The following METTL15 variants were observed in gnomAD, a reference collection of about 807,000 sequenced individuals.
The protein encoded by METTL15 is 12S rRNA N(4)-cytidine methyltransferase METTL15.
METTL15 carries 34 observed loss-of-function variants against 38.3 expected under a neutral mutation model. The ratio of observed to expected loss-of-function variants is 0.89; its 90% CI spans 0.68 to 1.18. METTL15 has a LOEUF of 1.18. METTL15 is among the 50% of genes most tolerant of loss of function. The pLI, the probability that METTL15 is intolerant of heterozygous loss-of-function variation, is 0.00. For synonymous variants in METTL15, 162 were observed against 170.9 expected (o/e 0.95, Z 0.41); for missense variants, 438 against 498.4 (o/e 0.88, Z 1.15).
downstream of METTL15, among the ~76,000 whole-genome samples, chr11:28,528,988 A>G (rs757446983): frequency 5.9e-5 from 9 of 152,210 alleles, no homozygotes; most frequent in Admixed American, 3.9e-4. Context: ...ATGAGGTAGA[A>G]TCCTTACCTC....
At chr11:28,195,544 G>T (rs1265284902) in intron 3 of METTL15, among the ~76,000 whole-genome samples, 1 of 151,860 alleles carries the variant, frequency 6.6e-6, no homozygotes, top group Non-Finnish European at 1.5e-5. Context: ...ATATTTGCCT[G>T]CATTTTAATG....
chr11:28,426,584 G>GTTTTTT (rs66959082), intron 6 of METTL15, among the ~76,000 whole-genome samples: 7 of 82,312 alleles, frequency 8.5e-5, no homozygotes, highest in African/African-American at 1.6e-4. Flanking sequence ...GCCAGCATCT[G>GTTTTTT]TTTTTTTTTT....
chr11:28,383,336 T>G (rs903018238), intron 5 of METTL15, among the ~76,000 whole-genome samples: 2 of 152,216 alleles, frequency 1.3e-5, no homozygotes, highest in Non-Finnish European at 2.9e-5. Flanking sequence ...ATGTTAAATA[T>G]GTACTTTATT....
At chr11:28,310,739 A>C in intron 6 of METTL15, among the ~76,000 whole-genome samples, 1 of 152,022 alleles carries the variant, frequency 6.6e-6, no homozygotes, top group East Asian at 1.9e-4. Context: ...ATTCTGGCTT[A>C]ACTGTTCTGT....
chr11:28,505,868 A>G (rs1851623719), intron 6 of METTL15, among the ~76,000 whole-genome samples: 1 of 152,144 alleles, frequency 6.6e-6, no homozygotes, highest in African/African-American at 2.4e-5. Flanking sequence ...GTATGCTCCT[A>G]GGGTTTCCTT....
At chr11:28,126,912 G>T (rs899102860) in intron 3 of METTL15, among the ~76,000 whole-genome samples, 1 of 152,086 alleles carries the variant, frequency 6.6e-6, no homozygotes, top group Non-Finnish European at 1.5e-5. Flanking sequence ...TCTTGAGTGG[G>T]AAGTAATCAT....
chr11:28,517,464 T>C (rs1047914151), intron 6 of METTL15: 1 of 152,184 alleles, frequency 6.6e-6, no homozygotes, highest in African/African-American at 2.4e-5. Context: ...GAGGCAATCC[T>C]TTCGTTGTGA....
intron 6 of METTL15, among the ~76,000 whole-genome samples, chr11:28,328,646 A>G (rs966910250): frequency 1.3e-5 from 2 of 152,084 alleles, no homozygotes; most frequent in East Asian, 1.9e-4. Context: ...GTATAAATCT[A>G]TTGAACATTA....
At chr11:28,464,580 C>G (rs963313658) in intron 6 of METTL15, among the ~76,000 whole-genome samples, 7 of 152,172 alleles carry the variant, frequency 4.6e-5, no homozygotes, top group Admixed American at 2.0e-4. Flanking sequence ...TCCAGGGAAC[C>G]TTTTGAAAAC....
intron 3 of METTL15, among the ~76,000 whole-genome samples, chr11:28,169,230 C>CA (rs369477145): frequency 1.3e-5 from 2 of 151,992 alleles, no homozygotes; most frequent in Non-Finnish European, 2.9e-5. Flanking sequence ...ATTCTGTATT[C>CA]AAAAAACTAG....
chr11:28,259,227 C>G (rs1217248693), intron 4 of METTL15, among the ~76,000 whole-genome samples: 1 of 152,044 alleles, frequency 6.6e-6, no homozygotes, highest in East Asian at 1.9e-4. Context: ...CCCTGTCTTG[C>G]TATGGCTACG....
At position 28,124,066 on chromosome 11, in the gene METTL15, G is replaced by A. The variant is rs776080339; in HGVS notation, c.270+10462G>A. On this transcript the variant is annotated intron_variant, in intron 3 of 6. Transcript: ENST00000407364. ...AGTAGTGTTTTGTGCAAAGTATCAT[G>A]TCAGATATGGAAAGAAGGACAGGAA... 9 of 415,304 alleles carry A rather than the reference G, an allele frequency of 2.2e-5. No homozygotes were observed. The South Asian group carries it at 7.0e-4, about 32-fold the overall frequency. 25.7% of individuals were successfully genotyped at this position (415,304 alleles called of 1,614,324 possible). A position where few individuals can be genotyped will look rare whatever the true frequency, so the allele number is the denominator to read the frequency against.
At chr11:28,363,756 C>T (rs1436045119) in intron 5 of METTL15, among the ~76,000 whole-genome samples, 2 of 152,084 alleles carry the variant, frequency 1.3e-5, no homozygotes, top group African/African-American at 4.8e-5. Context: ...ATATCTTTGC[C>T]AAAGCCAATG....
At position 28,333,485 on chromosome 11, in the gene METTL15, C is replaced by G. The variant is rs1225830105; in HGVS notation, c.*2644C>G. On this transcript the variant is annotated 3_prime_UTR_variant, in exon 7 of 7. Transcript: ENST00000407364. ...GTTACTATGAATGCGCATTACTTTT[C>G]TAATAAAATGTTTCTGAATCTCTGT... 6.6e-6 allele frequency: 1 copy of G among 152,104 alleles called. No homozygotes were observed. Among genetic ancestry groups the G allele is most frequent in the African/African-American group, 2.4e-5 (1 of 41,446 alleles). 9.4% of individuals were successfully genotyped at this position (152,104 alleles called of 1,614,324 possible). A position where few individuals can be genotyped will look rare whatever the true frequency, so the allele number is the denominator to read the frequency against.
chr11:28,197,418 T>G (rs1321935273), intron 3 of METTL15: 1 of 328,164 alleles, frequency 3.0e-6, no homozygotes, highest in Admixed American at 3.4e-5. Context: ...TATTATTTAT[T>G]TATATGACAC....
intron 4 of METTL15, among the ~76,000 whole-genome samples, chr11:28,213,253 A>T (rs1852716268): frequency 6.6e-6 from 1 of 152,156 alleles, no homozygotes; most frequent in African/African-American, 2.4e-5. Flanking sequence ...ATTAGTACAG[A>T]TAAAAGCTAG....
intron 3 of METTL15, among the ~76,000 whole-genome samples, chr11:28,121,131 T>C (rs1852216430): frequency 6.6e-6 from 1 of 152,190 alleles, no homozygotes; most frequent in African/African-American, 2.4e-5. Context: ...TCTACCTAAC[T>C]ATATTGAACC....
At position 28,342,290 on chromosome 11, in the gene METTL15, G is replaced by C. The variant is rs189922551; in HGVS notation, c.*190-9800G>C. Among the ~76,000 whole-genome samples, 3 of 151,936 alleles carry C rather than the reference G, an allele frequency of 2.0e-5. No homozygotes were observed. In the East Asian group the frequency reaches 5.8e-4, roughly 29 times the overall value. On this transcript the variant is annotated intron_variant and NMD_transcript_variant, in intron 3 of 7. Transcript: ENST00000532947. ...TATTTTTATTTTTTTGTGATACAGG[G>C]TCTTGCTCTATTACCCACACTGGAG...
chr11:28,175,096 C>T (rs978598203), intron 3 of METTL15, among the ~76,000 whole-genome samples: 1 of 152,006 alleles, frequency 6.6e-6, no homozygotes, highest in Admixed American at 6.6e-5. Flanking sequence ...ATCCCTCCCC[C>T]CTACCCCCAC....
Sources: allele counts gnomAD v4.1 joint callset (sites outside exome capture counted in the v4.1 genomes callset), GRCh38; gene constraint gnomAD v4.1.1; transcripts MANE v1.5; gene names NCBI Gene and HGNC (gene_info 2026-07-23, HGNC 2026-07-21).